SLC17A8: variants seen among roughly 807,000 people sequenced by gnomAD.
The protein encoded by SLC17A8 is vesicular glutamate transporter 3.
Under a neutral mutation model 58.0 loss-of-function variants are expected in SLC17A8, and 31 were observed. The ratio of observed to expected loss-of-function variants is 0.53; its 90% CI spans 0.40 to 0.72. The LOEUF (loss-of-function observed/expected upper bound fraction) is 0.72. Ranked by LOEUF, SLC17A8 falls within the 30% of genes least tolerant of loss-of-function variation. The pLI is 0.00. For missense variants in SLC17A8, 655 were observed against 727.8 expected (o/e 0.90, Z 1.15); for synonymous variants, 228 against 249.0 (o/e 0.92, Z 0.79).
At chr12:100,406,567 G>A (rs906916773) in intron 9 of SLC17A8, among the ~76,000 whole-genome samples, 22 of 149,842 alleles carry the variant, frequency 1.5e-4, no homozygotes, top group African/African-American at 4.9e-4. Context: ...ACAGAGTCTC[G>A]CTCTGTTACC....
At position 100,391,109 on chromosome 12, in the gene SLC17A8, G is replaced by T; in HGVS notation, c.463G>T (p.Ala155Ser). Residue 155 changes from alanine to serine, a missense_variant, in exon 3 of 12, where the codon GCT (alanine) becomes TCT (serine). By Grantham distance (99) the Ala-to-Ser change is moderately conservative. Coordinates refer to ENST00000323346, the MANE Select transcript of SLC17A8 (RefSeq NM_139319.3). Reference sequence around the variant, plus strand: ...AGGTGGTTTCATTTCAAACAAGTTTGCTGCTAACAGGTAAGATAAATTGAT... The same window carrying T: ...AGGTGGTTTCATTTCAAACAAGTTTTCTGCTAACAGGTAAGATAAATTGAT... ...IPGGFISNKF[A>S]ANRVFGAAIF... 1 of 1,603,776 alleles carries T rather than the reference G, an allele frequency of 6.2e-7. No individual in the cohort carries two copies. Among genetic ancestry groups the T allele is most frequent in the South Asian group, 1.1e-5 (1 of 90,892 alleles).
intron 1 of SLC17A8, among the ~76,000 whole-genome samples, chr12:100,378,589 T>C (rs2135983026): frequency 6.6e-6 from 1 of 152,236 alleles, no homozygotes; most frequent in East Asian, 1.9e-4. Flanking sequence ...GAATGATCTA[T>C]TATACTAGGG....
In SLC17A8 at chr12:100,399,153, G is replaced by C. The variant is rs182391297; in HGVS notation, c.677-2624G>C. ...GATTTAAATTCTTACAGCTAGTGAG[G>C]GCCGAACCGGGGGCTCTTTCTCACC... On this transcript the variant is annotated intron_variant, in intron 5 of 11. Coordinates refer to ENST00000323346, the MANE Select transcript of SLC17A8 (RefSeq NM_139319.3). Among the ~76,000 whole-genome samples the C allele has an allele frequency of 5.1e-3, 782 of 152,194 alleles. 7 individuals carry two copies. Among genetic ancestry groups the C allele is most frequent in the South Asian group, 6.9e-3 (33 of 4,814 alleles).
chr12:100,419,733 T>C (rs1952933443), intron 11 of SLC17A8, 82 bp from the exon 12 acceptor site: 2 of 1,406,304 alleles, frequency 1.4e-6, no homozygotes, highest in East Asian at 4.6e-5. Flanking sequence ...CAGGTGCTTT[T>C]TCACAGTGGA....
intron 1 of SLC17A8, among the ~76,000 whole-genome samples, chr12:100,360,375 A>G (rs890171711): frequency 2.6e-5 from 4 of 152,210 alleles, no homozygotes; most frequent in African/African-American, 9.7e-5. Flanking sequence ...AGTATCTTTC[A>G]GACACTGTAA....
rs142461629 is a variant in SLC17A8 at position 100,383,247 on chromosome 12, G to T, written c.354+2294G>T. Among the ~76,000 whole-genome samples the T allele has an allele frequency of 6.7e-3, 1,020 of 152,318 alleles. 5 individuals carry two copies. Among genetic ancestry groups the T allele is most frequent in the African/African-American group, 0.019 (780 of 41,554 alleles). On this transcript the variant is annotated intron_variant, in intron 2 of 11. Coordinates refer to ENST00000323346, the MANE Select transcript of SLC17A8 (RefSeq NM_139319.3). ...AGTCTGCTCTGAGGCATATGGAAAA[G>T]ACATTTTGATTAACCCGAGGAACAA...
chr12:100,398,217 T>C (rs1175600047), intron 5 of SLC17A8, among the ~76,000 whole-genome samples: 3 of 152,188 alleles, frequency 2.0e-5, no homozygotes, highest in African/African-American at 7.2e-5. Context: ...TCGTTGGGAA[T>C]TGCATGCTCA....
intron 1 of SLC17A8, among the ~76,000 whole-genome samples, chr12:100,359,494 A>G (rs766102581): frequency 6.6e-6 from 1 of 152,250 alleles, no homozygotes; most frequent in Non-Finnish European, 1.5e-5. Flanking sequence ...TCAGAACAAT[A>G]GAAAAACAGC....
Position 100,421,963 on chromosome 12 carries a change from A to C in SLC17A8, c.*1804A>C, listed in dbSNP as rs1952953422. 1 of 152,198 alleles carries C rather than the reference A, an allele frequency of 6.6e-6. No homozygotes were observed. The highest frequency in any genetic ancestry group is 1.5e-5 in the Non-Finnish European group (1 of 68,036). 9.4% of individuals were successfully genotyped at this position (152,198 alleles called of 1,614,324 possible). On this transcript the variant is annotated 3_prime_UTR_variant, in exon 12 of 12. Transcript: ENST00000323346. ...TTGGGGGACTTTCCAGTTGAAAAGA[A>C]AACATGCTATGTCATTTTTATCCAT...
intron 2 of SLC17A8, 44 bp from the exon 3 acceptor site, chr12:100,390,957 C>A: frequency 7.3e-7 from 1 of 1,364,680 alleles, no homozygotes; most frequent in Non-Finnish European, 1.0e-6. Context: ...TGGTTGTCAG[C>A]CTTTTTCTAA....
In SLC17A8 at chr12:100,402,458, G is replaced by C; in HGVS notation, c.882G>C (p.Gly294=). 2 of 1,614,028 alleles carry C rather than the reference G, an allele frequency of 1.2e-6. No individual in the cohort carries two copies. The highest frequency in any genetic ancestry group is 8.5e-7 in the Non-Finnish European group (1 of 1,180,014). Residue 294 remains glycine, a synonymous_variant, in exon 7 of 12, where the codon GGG becomes GGC. Coordinates refer to ENST00000323346, the MANE Select transcript of SLC17A8 (RefSeq NM_139319.3). Reference sequence around the variant, plus strand: ...ATATAGAGACAAGCATAGGAGAGGGGGCCAACGTGGTTAGTCTAAGTGTAA... The same window carrying C: ...ATATAGAGACAAGCATAGGAGAGGGCGCCAACGTGGTTAGTCTAAGTGTAA... ...KTYIETSIGE[G]ANVVSLSKFS...
At chr12:100,393,751 T>A (rs1221129854) in intron 4 of SLC17A8, among the ~76,000 whole-genome samples, 1 of 152,230 alleles carries the variant, frequency 6.6e-6, no homozygotes, top group East Asian at 1.9e-4. Flanking sequence ...TAATAGATAG[T>A]GTAACTGAAG....
At chr12:100,359,461 C>T (rs1241515287) in intron 1 of SLC17A8, among the ~76,000 whole-genome samples, 1 of 152,082 alleles carries the variant, frequency 6.6e-6, no homozygotes, top group East Asian at 1.9e-4. Flanking sequence ...GGCTATGTGT[C>T]TAGGACTGTT....
At chr12:100,389,514 C>T (rs186282248) in intron 2 of SLC17A8, among the ~76,000 whole-genome samples, 2 of 152,008 alleles carry the variant, frequency 1.3e-5, no homozygotes, top group East Asian at 3.9e-4. Context: ...TATTCACAAG[C>T]TATTTTATTT....
intron 1 of SLC17A8, among the ~76,000 whole-genome samples, chr12:100,360,059 G>A (rs913112334): frequency 6.6e-6 from 1 of 152,206 alleles, no homozygotes; most frequent in Non-Finnish European, 1.5e-5. Flanking sequence ...CAATTGCACA[G>A]GGAAGCATTT....
chr12:100,386,872 A>G (rs977507279), intron 2 of SLC17A8, among the ~76,000 whole-genome samples: 2 of 152,010 alleles, frequency 1.3e-5, no homozygotes, highest in African/African-American at 4.8e-5. Flanking sequence ...TATTTTTAGT[A>G]GAGACGGGGT....
intron 5 of SLC17A8, among the ~76,000 whole-genome samples, chr12:100,400,120 G>T (rs1180473124): frequency 6.6e-6 from 1 of 152,102 alleles, no homozygotes; most frequent in African/African-American, 2.4e-5. Flanking sequence ...CATCTTAGTT[G>T]GTGGGGTTAT....
rs972348484 is a variant in SLC17A8, at chr12:100,391,226, A to T, written c.473+107A>T. The T allele has an allele frequency of 2.3e-5, 18 of 781,134 alleles. No individual in the cohort carries two copies. In the African/African-American group the frequency reaches 3.1e-4, roughly 13 times the overall value. 48.4% of individuals were successfully genotyped at this position (781,134 alleles called of 1,614,324 possible). On this transcript the variant is annotated intron_variant, in intron 3 of 11. Transcript: ENST00000323346. ...TTGGGGGTGCAGAATGAAAAACAGG[A>T]GCCATCTGGATAGATGCAATTCACA...
chr12:100,405,982 TA>T, intron 9 of SLC17A8, among the ~76,000 whole-genome samples: 1 of 152,132 alleles, frequency 6.6e-6, no homozygotes, highest in East Asian at 1.9e-4. Flanking sequence ...TTTTCTCTAT[TA>T]AAAAATAAAA....
Sources: gnomAD v4.1 joint callset for allele counts (sites outside exome capture counted in the v4.1 genomes callset) on GRCh38, gnomAD v4.1.1 for gene constraint, MANE v1.5 for transcripts, NCBI Gene and HGNC (gene_info 2026-07-23, HGNC 2026-07-21) for gene names.